FAM20A: variants seen among roughly 807,000 people sequenced by gnomAD.
FAM20A encodes the protein FAM20A golgi associated secretory pathway pseudokinase.
FAM20A carries 42 observed loss-of-function variants against 52.0 expected under a neutral mutation model. That is an observed-to-expected ratio of 0.81 (90% CI 0.63 to 1.04). FAM20A has a LOEUF of 1.04. FAM20A is among the 50% of genes least tolerant of loss of function. FAM20A has a pLI of 0.00. For synonymous variants in FAM20A, 304 were observed against 298.9 expected (o/e 1.02, Z -0.18); for missense variants, 742 against 712.7 (o/e 1.04, Z -0.47).
intron 1 of FAM20A, among the ~76,000 whole-genome samples, chr17:68,571,589 A>G (rs1371930301): frequency 2.0e-5 from 3 of 152,216 alleles, no homozygotes; most frequent in African/African-American, 4.8e-5. Flanking sequence ...CGGCTTTTAA[A>G]TTAAATCTTG....
At chr17:68,585,446 T>C (rs1198367969) in intron 1 of FAM20A, among the ~76,000 whole-genome samples, 1 of 56,094 alleles carries the variant, frequency 1.8e-5, no homozygotes, top group Non-Finnish European at 3.4e-5. Flanking sequence ...ACCATGGCTT[T>C]ATTTATTTTT....
At chr17:68,597,098 T>C (rs1241471906) in intron 1 of FAM20A, among the ~76,000 whole-genome samples, 1 of 151,988 alleles carries the variant, frequency 6.6e-6, no homozygotes, top group East Asian at 1.9e-4. Context: ...AAAAGGAACG[T>C]GTGGGTGAGT....
At chr17:68,550,090 G>T (rs2086762892) in intron 4 of FAM20A, among the ~76,000 whole-genome samples, 2 of 152,116 alleles carry the variant, frequency 1.3e-5, no homozygotes, top group Non-Finnish European at 2.9e-5. Flanking sequence ...GGTGATGGGG[G>T]AGGGGAGTGG....
At chr17:68,544,064 A>AGGGG (rs1348406967) in intron 4 of FAM20A, among the ~76,000 whole-genome samples, 2 of 152,182 alleles carry the variant, frequency 1.3e-5, no homozygotes, top group Admixed American at 1.3e-4. Flanking sequence ...AACAGAAGAG[A>AGGGG]GGGGAATGGT....
chr17:68,576,673 A>C (rs556175529), intron 1 of FAM20A, among the ~76,000 whole-genome samples: 3 of 152,210 alleles, frequency 2.0e-5, no homozygotes, highest in Non-Finnish European at 4.4e-5. Flanking sequence ...CGTTAGTTAC[A>C]TGTAGTTGGG....
rs573857738 is a variant in FAM20A at position 68,539,816 on chromosome 17, C to T, written c.1301+69G>A. The T allele has an allele frequency of 4.5e-5, 67 of 1,498,514 alleles. No homozygotes were observed. In the South Asian group the frequency reaches 5.1e-4, roughly 11 times the overall value. The allele number at this position is 1,498,514 out of a possible 1,614,324, so 92.8% of individuals were successfully genotyped here. Reference sequence around the variant, plus strand: ...TCATTTGCAGGGCGTCTGTTTCCCCCGAGCAGCTGGCTGCACAGAGCAGCA... The same window carrying T: ...TCATTTGCAGGGCGTCTGTTTCCCCTGAGCAGCTGGCTGCACAGAGCAGCA... On this transcript the variant is annotated intron_variant, in intron 9 of 10. Transcript: ENST00000592554.
At chr17:68,597,388 A>G (rs1448244985) in intron 1 of FAM20A, among the ~76,000 whole-genome samples, 2 of 143,374 alleles carry the variant, frequency 1.4e-5, no homozygotes, top group Non-Finnish European at 3.1e-5. Context: ...GGAGGCATCC[A>G]CATTTTTTTT....
At position 68,537,622 on chromosome 17, in the gene FAM20A, T is replaced by C. The variant is rs1334846449; in HGVS notation, c.1481A>G (p.His494Arg). The C allele has an allele frequency of 6.2e-7, 1 of 1,613,334 alleles. No homozygotes were observed. The highest frequency in any genetic ancestry group is 8.5e-7 in the Non-Finnish European group (1 of 1,179,718). ...DQLSPVLTEPHLLALDRRLQT... is the reference protein window; with the variant it reads ...DQLSPVLTEPRLLALDRRLQT... ...GAGCCTTCGATCCAGGGCAAGGAGG[T>C]GGGGTTCAGTGAGGACAGGGCTGAG... The change falls in exon 11 of 11, where the codon CAC becomes CGC. Residue 494 changes from histidine to arginine, a missense_variant. By Grantham distance (29) the His-to-Arg change is conservative. Transcript: ENST00000592554. This position sits in a 1 kb window ranked among gnomAD's most constrained non-coding sequence, Gnocchi z 4.2.
At chr17:68,560,763 C>G (rs148838254) in intron 1 of FAM20A, among the ~76,000 whole-genome samples, 1 of 152,170 alleles carries the variant, frequency 6.6e-6, no homozygotes, top group African/African-American at 2.4e-5. Context: ...CCAAAGTACC[C>G]TCTGCCAAGG....
chr17:68,572,030 ATATATATATATG>A (rs2087576751), intron 1 of FAM20A, among the ~76,000 whole-genome samples: 1 of 121,104 alleles, frequency 8.3e-6, no homozygotes, highest in African/African-American at 3.3e-5. Flanking sequence ...ATATATATAT[ATATATATATATG>A]TAGCAGGGAA....
At chr17:68,573,229 C>T (rs1183063571) in intron 1 of FAM20A, among the ~76,000 whole-genome samples, 1 of 152,188 alleles carries the variant, frequency 6.6e-6, no homozygotes, top group Non-Finnish European at 1.5e-5. Flanking sequence ...GCTGTGTGAC[C>T]TAGGGCAAGT....
chr17:68,542,682 C>G lies in FAM20A; in HGVS notation c.928+12G>C, dbSNP rs1315006817. ...ACTCAGACCCGGAATATCACTCGGG[C>G]CAGTACTCTACCTGGAGAGACAAAG... On this transcript the variant is annotated intron_variant, in intron 6 of 10. Transcript: ENST00000592554. 6.3e-7 allele frequency: 1 copy of G among 1,597,516 alleles called. No homozygotes were observed. The highest frequency in any genetic ancestry group is 8.6e-7 in the Non-Finnish European group (1 of 1,164,962).
intron 1 of FAM20A, among the ~76,000 whole-genome samples, chr17:68,591,308 C>T (rs1429531991): frequency 1.3e-5 from 2 of 152,158 alleles, no homozygotes; most frequent in South Asian, 4.1e-4. Context: ...ACCGTGTTAG[C>T]CAGGATGGTC....
At chr17:68,592,799 T>C (rs2088350033) in intron 1 of FAM20A, among the ~76,000 whole-genome samples, 1 of 152,234 alleles carries the variant, frequency 6.6e-6, no homozygotes, top group Non-Finnish European at 1.5e-5. Flanking sequence ...ACAGTACTCC[T>C]CTACTATGCT....
At position 68,543,700 on chromosome 17, in the gene FAM20A, T is replaced by C. The variant is rs778010086; in HGVS notation, c.741A>G (p.Thr247=). The C allele has an allele frequency of 6.2e-7, 1 of 1,614,116 alleles. No individual in the cohort carries two copies. The highest frequency in any genetic ancestry group is 8.5e-7 in the Non-Finnish European group (1 of 1,179,966). Residue 247 remains threonine, a synonymous_variant, in exon 5 of 11, where the codon ACA becomes ACG. Transcript: ENST00000592554. ...KPMRQQRDEE[T]PVDFFYFIDF... The stretch of plus-strand genomic sequence containing the variant: ...CAATGAAGTAGAAGAAGTCCACTGG[T>C]GTCTCCTCATCTCGCTGCTGTCTGG...
chr17:68,562,522 T>A (rs1443793314), intron 1 of FAM20A, among the ~76,000 whole-genome samples: 1 of 152,212 alleles, frequency 6.6e-6, no homozygotes, highest in Non-Finnish European at 1.5e-5. Flanking sequence ...TTTCTGTAAT[T>A]GTACAATTAA....
At chr17:68,581,640 A>T (rs1598069835) in intron 1 of FAM20A, among the ~76,000 whole-genome samples, 1 of 128,040 alleles carries the variant, frequency 7.8e-6, no homozygotes, top group South Asian at 2.3e-4. Context: ...CAGTGGTGTG[A>T]TCTCTGCTCA....
At chr17:68,568,866 C>T (rs1434496816) in intron 1 of FAM20A, among the ~76,000 whole-genome samples, 2 of 148,008 alleles carry the variant, frequency 1.4e-5, no homozygotes, top group African/African-American at 5.0e-5. Flanking sequence ...AGGTAACATT[C>T]AAAGGTTCCA....
At chr17:68,571,149 G>T (rs986068452) in intron 1 of FAM20A, among the ~76,000 whole-genome samples, 13 of 152,108 alleles carry the variant, frequency 8.5e-5, no homozygotes, top group African/African-American at 2.9e-4. Context: ...AAATCTCTTC[G>T]TTGGAAACTG....
Sources: allele counts gnomAD v4.1 joint callset (sites outside exome capture counted in the v4.1 genomes callset), GRCh38; gene constraint gnomAD v4.1.1; non-coding constraint Gnocchi (gnomAD v3.1); transcripts MANE v1.5; gene names NCBI Gene and HGNC (gene_info 2026-07-23, HGNC 2026-07-21).